The following C8B variants were observed in gnomAD, a reference collection of about 807,000 sequenced individuals.
The protein encoded by C8B is complement component C8 beta chain.
Under a neutral mutation model 64.6 loss-of-function variants are expected in C8B, and 67 were observed. That is an observed-to-expected ratio of 1.04 (90% CI 0.85 to 1.27). C8B has a LOEUF of 1.27. C8B is among the 50% of genes most tolerant of loss of function. The probability of loss-of-function intolerance (pLI) is 0.00; values close to 1 mark genes in which losing one functional copy is unlikely to be tolerated. For missense variants in C8B, 790 were observed against 725.2 expected (o/e 1.09, Z -1.03); for synonymous variants, 284 against 257.7 (o/e 1.10, Z -0.98).
intron 2 of C8B, chr1:56,959,556 A>G (rs1461787730): frequency 4.6e-6 from 7 of 1,531,990 alleles, no homozygotes; most frequent in Non-Finnish European, 6.1e-6. Flanking sequence ...AGAAACGCCC[A>G]GAGAGAGTGA....
chr1:56,944,888 AC>A (rs1644918826), intron 7 of C8B, among the ~76,000 whole-genome samples: 2 of 152,142 alleles, frequency 1.3e-5, no homozygotes, highest in African/African-American at 4.8e-5. Flanking sequence ...CATTCACTTA[AC>A]CCAACAAGTG....
Position 56,954,834 on chromosome 1 carries a change from T to C in C8B, c.392-7A>G, listed in dbSNP as rs1284738706. 1 of 1,614,122 alleles carries C rather than the reference T, an allele frequency of 6.2e-7. No individual in the cohort carries two copies. ...CTGCGGTTTACACACCTTCCTAGAA[T>C]GGAGAAAGAGTATTACCCACAGCCA... On this transcript the variant is annotated splice_polypyrimidine_tract_variant and splice_region_variant and intron_variant, in intron 3 of 11. Transcript: ENST00000371237.
At chr1:56,961,547 C>G (rs139597188) in intron 1 of C8B, among the ~76,000 whole-genome samples, 1 of 152,092 alleles carries the variant, frequency 6.6e-6, no homozygotes, top group African/African-American at 2.4e-5. Context: ...GTCCGTTGCC[C>G]CATGCTGCCT....
At chr1:56,950,493 G>T (rs1442691494) in intron 5 of C8B, among the ~76,000 whole-genome samples, 1 of 152,066 alleles carries the variant, frequency 6.6e-6, no homozygotes, top group Non-Finnish European at 1.5e-5. Flanking sequence ...TACTGCCCTG[G>T]GGGCCCTGGA....
chr1:56,935,628 T>G (rs1424310513), intron 9 of C8B, among the ~76,000 whole-genome samples: 10 of 152,258 alleles, frequency 6.6e-5, no homozygotes, highest in Non-Finnish European at 8.8e-5. Context: ...GGTGCTGAAT[T>G]AAACACTTTA....
At position 56,943,891 on chromosome 1, in the gene C8B, C is replaced by T. The variant is rs182134511; in HGVS notation, c.1106-67G>A. 95 of 1,585,334 alleles carry T rather than the reference C, an allele frequency of 6.0e-5. 1 individual carries two copies. Among genetic ancestry groups the T allele is most frequent in the African/African-American group, 2.4e-4 (18 of 74,482 alleles). On this transcript the variant is annotated intron_variant, in intron 7 of 11. Transcript: ENST00000371237. ...TTCACTCTGTCCCTTTTCCTATGATCGAGTCCAGAGGCCTAGCCCTGTTGA... is the reference window on the plus strand; with the variant it reads ...TTCACTCTGTCCCTTTTCCTATGATTGAGTCCAGAGGCCTAGCCCTGTTGA...
At chr1:56,941,085 A>G (rs1644847661) in intron 8 of C8B, 73 bp from the exon 9 acceptor site, 1 of 1,522,022 alleles carries the variant, frequency 6.6e-7, no homozygotes, top group Non-Finnish European at 9.0e-7. Context: ...CAACCCAACC[A>G]ACAATTTGGG....
At chr1:56,957,958 C>G (rs1645125906) in intron 2 of C8B, among the ~76,000 whole-genome samples, 1 of 151,784 alleles carries the variant, frequency 6.6e-6, no homozygotes, top group Non-Finnish European at 1.5e-5. Context: ...GTGTGAAGAA[C>G]TGACGAGAGT....
intron 4 of C8B, among the ~76,000 whole-genome samples, chr1:56,953,528 C>A (rs949552598): frequency 6.6e-6 from 1 of 152,296 alleles, no homozygotes; most frequent in East Asian, 1.9e-4. Flanking sequence ...CTGCCGGGAA[C>A]AATGGGTGGA....
intron 6 of C8B, among the ~76,000 whole-genome samples, chr1:56,947,065 C>T (rs957022524): frequency 4.6e-5 from 7 of 152,180 alleles, no homozygotes; most frequent in Non-Finnish European, 8.8e-5. Flanking sequence ...TAGGTTGCAT[C>T]TCATTTTGTT....
intron 6 of C8B, among the ~76,000 whole-genome samples, chr1:56,946,491 G>A (rs1052887950): frequency 2.6e-5 from 4 of 152,194 alleles, no homozygotes; most frequent in African/African-American, 4.8e-5. Context: ...GACAGCGTAT[G>A]GCAGGAGTCA....
In C8B at chr1:56,952,054, C is replaced by G; in HGVS notation, c.660G>C (p.Thr220=). ...CTACCTGGCTGTCTCTTACCTGTGG[C>G]GTGTAGCTTTCCACATTGTAGGGCT... The part of the protein sequence containing the change: ...FRKPYNVESY[T]PQTQGKYEFI... Residue 220 remains threonine, a synonymous_variant, in exon 5 of 12, where the codon ACG becomes ACC. Coordinates refer to ENST00000371237, the MANE Select transcript of C8B (RefSeq NM_000066.4). The G allele has an allele frequency of 6.2e-7, 1 of 1,614,042 alleles. No individual in the cohort carries two copies. Among genetic ancestry groups the G allele is most frequent in the Non-Finnish European group, 8.5e-7 (1 of 1,180,014 alleles).
intron 3 of C8B, among the ~76,000 whole-genome samples, 187 bp from the exon 4 acceptor site, chr1:56,955,014 C>T (rs911123574): frequency 5.3e-5 from 8 of 152,158 alleles, no homozygotes; most frequent in Non-Finnish European, 1.0e-4. Flanking sequence ...TGCCACCTCC[C>T]TCAGCAGAAG....
At chr1:56,954,583 G>T in intron 4 of C8B, 103 bp downstream of exon 4, 2 of 1,461,618 alleles carry the variant, frequency 1.4e-6, no homozygotes, top group Non-Finnish European at 1.9e-6. Flanking sequence ...TCAGAAAGGT[G>T]AGTGAGGACC....
At chr1:56,942,647 TG>T (rs2101394127) in intron 8 of C8B, among the ~76,000 whole-genome samples, 1 of 152,162 alleles carries the variant, frequency 6.6e-6, no homozygotes, top group South Asian at 2.1e-4. Context: ...GAGGTTGCAG[TG>T]AGCTGAGGTC....
At chr1:56,938,085 C>A (rs964588758) in intron 9 of C8B, among the ~76,000 whole-genome samples, 4 of 152,194 alleles carry the variant, frequency 2.6e-5, no homozygotes, top group Non-Finnish European at 4.4e-5. Flanking sequence ...GCATTATCAG[C>A]TCAGGGAAGA....
intron 7 of C8B, 139 bp downstream of exon 7, chr1:56,945,682 T>A: frequency 1.8e-6 from 2 of 1,081,430 alleles, no homozygotes; most frequent in East Asian, 2.4e-5. Context: ...ACTGACATTG[T>A]CAATCAAAAA....
intron 3 of C8B, among the ~76,000 whole-genome samples, chr1:56,955,044 GA>G (rs1425494694): frequency 6.6e-6 from 1 of 152,166 alleles, no homozygotes; most frequent in Admixed American, 6.5e-5. Flanking sequence ...TTGTATTCCA[GA>G]AAGCAGCAGG....
At chr1:56,934,378 C>A (rs1377479875) in intron 9 of C8B, among the ~76,000 whole-genome samples, 2 of 152,122 alleles carry the variant, frequency 1.3e-5, no homozygotes, top group Admixed American at 6.6e-5. Context: ...ATGCTGCTCA[C>A]TCAGTGGGCA....
Sources: allele counts gnomAD v4.1 joint callset (sites outside exome capture counted in the v4.1 genomes callset), GRCh38; gene constraint gnomAD v4.1.1; transcripts MANE v1.5; gene names NCBI Gene and HGNC (gene_info 2026-07-23, HGNC 2026-07-21).